Variants in KIRREL3 observed in about 807,000 individuals in gnomAD.
KIRREL3 encodes kirre like nephrin family adhesion molecule 3.
Under a neutral mutation model 89.7 loss-of-function variants are expected in KIRREL3, and 36 were observed. The ratio of observed to expected loss-of-function variants is 0.40; its 90% CI spans 0.31 to 0.53. The LOEUF is 0.53. Ranked by LOEUF, KIRREL3 falls within the 20% of genes least tolerant of loss-of-function variation. The probability of loss-of-function intolerance (pLI) is 0.49; values close to 1 mark genes in which losing one functional copy is unlikely to be tolerated. For missense variants in KIRREL3, 864 were observed against 1,056.6 expected (o/e 0.82, Z 2.53); for synonymous variants, 445 against 441.4 (o/e 1.01, Z -0.10).
intron 1 of KIRREL3, among the ~76,000 whole-genome samples, chr11:126,889,981 T>C (rs1021660933): frequency 6.6e-6 from 1 of 152,350 alleles, no homozygotes; most frequent in Admixed American, 6.5e-5. Flanking sequence ...TAGCCTCTAA[T>C]TGCATTCACT....
rs376816024 is a variant in KIRREL3 at position 126,718,390 on chromosome 11, T to G, written c.56-155478A>C. 2.1e-4 allele frequency among the ~76,000 whole-genome samples: 32 copies of G among 152,212 alleles called. No homozygotes were observed. The South Asian group carries it at 6.7e-3, about 32-fold the overall frequency. ...CAAGAGGCTGCACGGAAATGAAAAA[T>G]TGCCATAGAAAGATGACTCACCAAA... On this transcript the variant is annotated intron_variant, in intron 1 of 16. Transcript: ENST00000525144.
Position 126,912,770 on chromosome 11 carries a change from T to C in KIRREL3, c.55+87685A>G, listed in dbSNP as rs1946876868. ...AATTACCAGCCTCTCCTTCCATTCC[T>C]GCTGGCATGGCAGGTGAAGTATAGC... On this transcript the variant is annotated intron_variant, in intron 1 of 16. Coordinates refer to ENST00000525144, the MANE Select transcript of KIRREL3 (RefSeq NM_032531.4). This position sits in a 1 kb window ranked among gnomAD's most constrained non-coding sequence, Gnocchi z 4.7. Among the ~76,000 whole-genome samples, 1 of 152,228 alleles carries C rather than the reference T, an allele frequency of 6.6e-6. No homozygotes were observed.
chr11:126,726,206 C>T (rs936115782), intron 1 of KIRREL3, among the ~76,000 whole-genome samples: 3 of 152,174 alleles, frequency 2.0e-5, no homozygotes, highest in Admixed American at 6.5e-5. Context: ...TTTCTTAAAG[C>T]TCTGACATTC....
At position 126,704,521 on chromosome 11, in the gene KIRREL3, C is replaced by A. The variant is rs919262442; in HGVS notation, c.56-141609G>T. Among the ~76,000 whole-genome samples, 1 of 152,208 alleles carries A rather than the reference C, an allele frequency of 6.6e-6. No individual in the cohort carries two copies. Among genetic ancestry groups the A allele is most frequent in the Non-Finnish European group, 1.5e-5 (1 of 68,050 alleles). On this transcript the variant is annotated intron_variant, in intron 1 of 16. Coordinates refer to ENST00000525144, the MANE Select transcript of KIRREL3 (RefSeq NM_032531.4). This position sits in a 1 kb window ranked among gnomAD's most constrained non-coding sequence, Gnocchi z 4.2. ...GGAGTGCAGCTTCAGCATTTGGGGC[C>A]ACAGCTCTGCAGGCTTTTTCTCTAA...
chr11:126,456,681 C>T (rs944746371), intron 6 of KIRREL3, among the ~76,000 whole-genome samples: 10 of 152,262 alleles, frequency 6.6e-5, no homozygotes, highest in South Asian at 4.1e-4. Context: ...GGTGTGGACA[C>T]GAACCCCGAG....
intron 1 of KIRREL3, among the ~76,000 whole-genome samples, chr11:126,714,973 C>T (rs1947903281): frequency 1.3e-5 from 2 of 152,262 alleles, no homozygotes; most frequent in Non-Finnish European, 2.9e-5. Flanking sequence ...GCACCCGAGG[C>T]GTCAAGCCAC....
At position 126,656,483 on chromosome 11, in the gene KIRREL3, C is replaced by A. The variant is rs1319747911; in HGVS notation, c.56-93571G>T. Among the ~76,000 whole-genome samples, 1 of 152,158 alleles carries A rather than the reference C, an allele frequency of 6.6e-6. No individual in the cohort carries two copies. The highest frequency in any genetic ancestry group is 1.9e-4 in the East Asian group (1 of 5,192). On this transcript the variant is annotated intron_variant, in intron 1 of 16. Coordinates refer to ENST00000525144, the MANE Select transcript of KIRREL3 (RefSeq NM_032531.4). This position sits in a 1 kb window ranked among gnomAD's most constrained non-coding sequence, Gnocchi z 4.0. ...AGTAGATTTTTATAAAATGAGACTT[C>A]ACGTGGAATCTCAACATACAAAATT...
rs1939663206 is a variant in KIRREL3, at chr11:126,555,776, T to C, written c.133+7059A>G. On this transcript the variant is annotated intron_variant, in intron 2 of 16. Coordinates refer to ENST00000525144, the MANE Select transcript of KIRREL3 (RefSeq NM_032531.4). This position sits in a 1 kb window ranked among gnomAD's most constrained non-coding sequence, Gnocchi z 4.2. ...TTTTTTTTGAGACGGAGTCTCCCTC[T>C]ATCACTCAGGCTGGAGTGCAGTGGC... Among the ~76,000 whole-genome samples the C allele has an allele frequency of 6.6e-6, 1 of 150,500 alleles. No homozygotes were observed. Among genetic ancestry groups the C allele is most frequent in the African/African-American group, 2.4e-5 (1 of 40,912 alleles).
rs189809281 is a variant in KIRREL3 at position 126,742,353 on chromosome 11, T to C, written c.56-179441A>G. Reference sequence around the variant, plus strand: ...TGGGAGAAGTGTGGTATTCTTAGGATAGTGTATCCTAACCTGCTTGTGGTT... The same window carrying C: ...TGGGAGAAGTGTGGTATTCTTAGGACAGTGTATCCTAACCTGCTTGTGGTT... On this transcript the variant is annotated intron_variant, in intron 1 of 16. Coordinates refer to ENST00000525144, the MANE Select transcript of KIRREL3 (RefSeq NM_032531.4). This position sits in a 1 kb window ranked among gnomAD's most constrained non-coding sequence, Gnocchi z 5.3. 5.3e-5 allele frequency among the ~76,000 whole-genome samples: 8 copies of C among 152,280 alleles called. No individual in the cohort carries two copies. The East Asian group carries it at 1.5e-3, about 29-fold the overall frequency.
chr11:126,502,093 T>C (rs1957883789), intron 4 of KIRREL3, among the ~76,000 whole-genome samples: 1 of 152,172 alleles, frequency 6.6e-6, no homozygotes, highest in Admixed American at 6.5e-5. Flanking sequence ...TGTAAAAAAC[T>C]CTACAGATAC....
At chr11:126,716,106 A>T (rs1947949117) in intron 1 of KIRREL3, among the ~76,000 whole-genome samples, 1 of 151,614 alleles carries the variant, frequency 6.6e-6, no homozygotes, top group South Asian at 2.1e-4. Flanking sequence ...GGAGATGGAG[A>T]GAGTGATAGG....
At position 126,772,677 on chromosome 11, in the gene KIRREL3, C is replaced by G. The variant is rs1309292372; in HGVS notation, c.56-209765G>C. Reference sequence around the variant, plus strand: ...CCTCTCCTGGTACTCATGCCCACCCCCTAACTGCCTCAGCCTTGAAAGCTC... The same window carrying G: ...CCTCTCCTGGTACTCATGCCCACCCGCTAACTGCCTCAGCCTTGAAAGCTC... On this transcript the variant is annotated intron_variant, in intron 1 of 16. Transcript: ENST00000525144. This position sits in a 1 kb window ranked among gnomAD's most constrained non-coding sequence, Gnocchi z 4.6. 2.6e-5 allele frequency among the ~76,000 whole-genome samples: 4 copies of G among 152,206 alleles called. No homozygotes were observed. Among genetic ancestry groups the G allele is most frequent in the Non-Finnish European group, 5.9e-5 (4 of 68,034 alleles).
Position 126,562,990 on chromosome 11 carries a change from G to T in KIRREL3, c.56-78C>A. 1 of 991,134 alleles carries T rather than the reference G, an allele frequency of 1.0e-6. No individual in the cohort carries two copies. The highest frequency in any genetic ancestry group is 1.6e-6 in the Non-Finnish European group (1 of 642,984). The allele number at this position is 991,134 out of a possible 1,614,324, so 61.4% of individuals were successfully genotyped here. On this transcript the variant is annotated intron_variant, in intron 1 of 16. Transcript: ENST00000525144. The surrounding 1 kb of genome is among the most constrained non-coding windows in gnomAD (Gnocchi z 4.7). ...GTTGGGGGGCCCTCTGCAGGGGGCT[G>T]TGGAGCTTGTTGCTCTTATAAACAG...
At chr11:126,925,103 G>A (rs878902471) in intron 1 of KIRREL3, among the ~76,000 whole-genome samples, 3 of 149,334 alleles carry the variant, frequency 2.0e-5, no homozygotes, top group South Asian at 2.2e-4. Context: ...AGGTCGGGGG[G>A]GGGGGGGGGC....
chr11:126,632,404 C>T (rs112960214), intron 1 of KIRREL3, among the ~76,000 whole-genome samples: 277 of 152,194 alleles, frequency 1.8e-3, no homozygotes, highest in Non-Finnish European at 2.6e-3. Context: ...TACACACACA[C>T]GAAAGGAAAA....
At chr11:126,481,026 G>T (rs1957204847) in intron 4 of KIRREL3, among the ~76,000 whole-genome samples, 1 of 152,200 alleles carries the variant, frequency 6.6e-6, no homozygotes, top group East Asian at 1.9e-4. Context: ...GGAGAAATTC[G>T]TATTGAGCAC....
intron 1 of KIRREL3, among the ~76,000 whole-genome samples, chr11:126,629,068 T>C (rs1190198814): frequency 6.6e-6 from 1 of 152,230 alleles, no homozygotes; most frequent in Non-Finnish European, 1.5e-5. Flanking sequence ...TTCCCTTGTC[T>C]CTTCCAAACA....
In KIRREL3 at chr11:126,454,159, C is replaced by T. The variant is rs1461946292; in HGVS notation, c.848+2190G>A. 1.4e-5 allele frequency among the ~76,000 whole-genome samples: 2 copies of T among 146,170 alleles called. No homozygotes were observed. Among genetic ancestry groups the T allele is most frequent in the Non-Finnish European group, 3.1e-5 (2 of 65,360 alleles). ...TTTGCGGAGACCTCTCCTCTCCTCC[C>T]ACCTTCTTCTCTTTCCTATTATTGC... On this transcript the variant is annotated intron_variant, in intron 7 of 16. Coordinates refer to ENST00000525144, the MANE Select transcript of KIRREL3 (RefSeq NM_032531.4). This position sits in a 1 kb window ranked among gnomAD's most constrained non-coding sequence, Gnocchi z 5.8.
chr11:126,775,148 A>G (rs1049248312), intron 1 of KIRREL3, among the ~76,000 whole-genome samples: 7 of 152,116 alleles, frequency 4.6e-5, no homozygotes, highest in African/African-American at 1.7e-4. Flanking sequence ...CCCTTCTTAG[A>G]CTTCATTGCC....
Sources: gnomAD v4.1 joint callset for allele counts (sites outside exome capture counted in the v4.1 genomes callset) on GRCh38, gnomAD v4.1.1 for gene constraint, Gnocchi (gnomAD v3.1) non-coding constraint, MANE v1.5 for transcripts, NCBI Gene and HGNC (gene_info 2026-07-23, HGNC 2026-07-21) for gene names.